The following NUP210 variants were observed in gnomAD, a reference collection of about 807,000 sequenced individuals.
The protein encoded by NUP210 is nuclear pore membrane glycoprotein 210.
In NUP210, 151 loss-of-function variants were observed where a neutral mutation model predicts 196.0. That is an observed-to-expected ratio of 0.77 (90% CI 0.67 to 0.88). The LOEUF is 0.88. NUP210 is among the 40% of genes least tolerant of loss of function. The probability of loss-of-function intolerance (pLI) is 0.00; values close to 1 mark genes in which losing one functional copy is unlikely to be tolerated. For missense variants in NUP210, 2,314 were observed against 2,493.7 expected (o/e 0.93, Z 1.53); for synonymous variants, 1,070 against 1,052.7 (o/e 1.02, Z -0.32).
intron 20 of NUP210, chr3:13,345,174 C>G: frequency 5.1e-6 from 5 of 985,452 alleles, no homozygotes; most frequent in Non-Finnish European, 6.0e-6. Context: ...ACCTGGTGCT[C>G]CAGCCTGCTC....
intron 3 of NUP210, among the ~76,000 whole-genome samples, chr3:13,395,869 A>T (rs1016186119): frequency 3.9e-5 from 6 of 152,190 alleles, no homozygotes; most frequent in African/African-American, 1.4e-4. Flanking sequence ...CTATAGCAAC[A>T]CTGGTGCCTG....
intron 14 of NUP210, among the ~76,000 whole-genome samples, chr3:13,365,064 A>G (rs1258622523): frequency 6.6e-6 from 1 of 152,160 alleles, no homozygotes; most frequent in African/African-American, 2.4e-5. Flanking sequence ...GGAACTCCCC[A>G]TCAACAAACC....
Position 13,321,670 on chromosome 3 carries a change from T to G in NUP210, c.5081A>C (p.Asp1694Ala). The G allele has an allele frequency of 6.2e-7, 1 of 1,614,068 alleles. No individual in the cohort carries two copies. The highest frequency in any genetic ancestry group is 8.5e-7 in the Non-Finnish European group (1 of 1,180,022). The part of the protein sequence containing the change: ...EVPFSPGLFA[D>A]QAEILLSNHY... Reference sequence around the variant, plus strand: ...GTTGCTCAAAAGGATTTCAGCCTGGTCGGCGAAGAGACCTGGGCTGAAGGG... The same window carrying G: ...GTTGCTCAAAAGGATTTCAGCCTGGGCGGCGAAGAGACCTGGGCTGAAGGG... Residue 1694 changes from aspartate to alanine, a missense_variant, in exon 36 of 40, where the codon GAC becomes GCC. Transcript: ENST00000254508.
chr3:13,392,786 G>A (rs909868267), intron 3 of NUP210, among the ~76,000 whole-genome samples: 1 of 152,232 alleles, frequency 6.6e-6, no homozygotes, highest in Non-Finnish European at 1.5e-5. Flanking sequence ...ACTGTCCGGG[G>A]GCAGAGCCAG....
At position 13,379,645 on chromosome 3, in the gene NUP210, C is replaced by A. The variant is rs1699037346; in HGVS notation, c.894G>T (p.Arg298=). 1.9e-6 allele frequency: 3 copies of A among 1,614,086 alleles called. No individual in the cohort carries two copies. The African/African-American group carries it at 4.0e-5, about 22-fold the overall frequency. The change falls in exon 7 of 40, where the codon CGG becomes CGT. Residue 298 remains arginine, a synonymous_variant. Transcript: ENST00000254508. This position sits in a 1 kb window ranked among gnomAD's most constrained non-coding sequence, Gnocchi z 4.2. The part of the protein sequence containing the change: ...SIPGPEGDPA[R]PVAVLAQDTS... ...TGTCCTGGGCCAAGACAGCCACCGGCCGGGCTGGGTCTCCTTCGGGGCCCG... is the reference window on the plus strand; with the variant it reads ...TGTCCTGGGCCAAGACAGCCACCGGACGGGCTGGGTCTCCTTCGGGGCCCG...
In NUP210 at chr3:13,419,870, G is replaced by C. The variant is rs1454240210; in HGVS notation, c.167+190C>G. Among the ~76,000 whole-genome samples the C allele has an allele frequency of 4.0e-5, 6 of 151,800 alleles. No homozygotes were observed. In the East Asian group the frequency reaches 1.2e-3, roughly 30 times the overall value. ...CGCGCCTCAGCGGCGCGGAGGCCCG[G>C]ACGGCGCCATGACATGAGCAGTGGT... On this transcript the variant is annotated intron_variant, in intron 1 of 39. Coordinates refer to ENST00000254508, the MANE Select transcript of NUP210 (RefSeq NM_024923.4).
rs981327686 is a variant in NUP210, at chr3:13,358,414, C to T, written c.2155-19G>A. 1 of 1,592,014 alleles carries T rather than the reference C, an allele frequency of 6.3e-7. No individual in the cohort carries two copies. The highest frequency in any genetic ancestry group is 8.6e-7 in the Non-Finnish European group (1 of 1,165,888). The stretch of plus-strand genomic sequence containing the variant: ...CGATGACCTGGTAGGGCACAGTGAA[C>T]AGTCAGACCCCCAAGCTTGAGTTCT... On this transcript the variant is annotated intron_variant, in intron 15 of 39. Coordinates refer to ENST00000254508, the MANE Select transcript of NUP210 (RefSeq NM_024923.4).
Position 13,388,429 on chromosome 3 carries a change from C to A in NUP210, c.558G>T (p.Thr186=). ...CTGAGATGTAAGAAGGAGGGATGTA[C>A]GTAGACTCCAAGAAAGTGAGGATTC... ...ALRILTFLES[T]YIPPSYISEM... The change falls in exon 5 of 40, where the codon ACG becomes ACT. Residue 186 remains threonine, a synonymous_variant. Transcript: ENST00000254508. The A allele has an allele frequency of 1.2e-6, 2 of 1,608,416 alleles. No individual in the cohort carries two copies. The highest frequency in any genetic ancestry group is 1.7e-6 in the Non-Finnish European group (2 of 1,178,100).
intron 1 of NUP210, among the ~76,000 whole-genome samples, chr3:13,415,176 C>A (rs189901808): frequency 6.6e-6 from 1 of 152,150 alleles, no homozygotes; most frequent in Admixed American, 6.5e-5. Flanking sequence ...TGCAGTGTGC[C>A]GAGATCGTGC....
At chr3:13,409,427 G>C (rs1445734670) in intron 1 of NUP210, among the ~76,000 whole-genome samples, 3 of 152,198 alleles carry the variant, frequency 2.0e-5, no homozygotes, top group Non-Finnish European at 4.4e-5. Context: ...GGAGTGAGCA[G>C]TCTAAAACCT....
chr3:13,327,200 C>T lies in NUP210; in HGVS notation c.4507+17G>A. ...GTCCGTGACTCCACAGGTTCCCTTG[C>T]TCAGGATCTATCTTACCTTCCAGGC... On this transcript the variant is annotated intron_variant, in intron 32 of 39. Coordinates refer to ENST00000254508, the MANE Select transcript of NUP210 (RefSeq NM_024923.4). 1 of 1,603,280 alleles carries T rather than the reference C, an allele frequency of 6.2e-7. No homozygotes were observed. Among genetic ancestry groups the T allele is most frequent in the South Asian group, 1.1e-5 (1 of 90,588 alleles).
intron 3 of NUP210, 82 bp from the exon 4 acceptor site, chr3:13,391,389 C>T: frequency 2.3e-6 from 2 of 864,488 alleles, no homozygotes; most frequent in South Asian, 1.4e-5. Context: ...GCTTCTGCCC[C>T]ATGCAGGAAC....
chr3:13,365,604 A>G (rs1239724401), intron 14 of NUP210, among the ~76,000 whole-genome samples: 1 of 152,152 alleles, frequency 6.6e-6, no homozygotes, highest in African/African-American at 2.4e-5. Context: ...AGTGGAGCAG[A>G]AGCACTCCCC....
intron 1 of NUP210, among the ~76,000 whole-genome samples, chr3:13,418,499 A>C (rs1029569078): frequency 3.9e-5 from 6 of 152,102 alleles, no homozygotes; most frequent in African/African-American, 1.4e-4. Flanking sequence ...CATTTTGGGA[A>C]GCTGAGGCAG....
chr3:13,333,336 G>A (rs937366001), intron 28 of NUP210, among the ~76,000 whole-genome samples: 2 of 152,218 alleles, frequency 1.3e-5, no homozygotes, highest in African/African-American at 4.8e-5. Context: ...CCTGGCTCAG[G>A]GGCAACCACT....
At chr3:13,395,420 C>A (rs572660965) in intron 3 of NUP210, among the ~76,000 whole-genome samples, 1 of 152,192 alleles carries the variant, frequency 6.6e-6, no homozygotes, top group African/African-American at 2.4e-5. Flanking sequence ...TGGGCTCAAG[C>A]GATTCTCTTG....
At chr3:13,372,555 G>A (rs551781575) in intron 12 of NUP210, among the ~76,000 whole-genome samples, 5 of 152,312 alleles carry the variant, frequency 3.3e-5, no homozygotes, top group African/African-American at 1.2e-4. Context: ...CTTGAGCCAG[G>A]GCAGGCGTGT....
chr3:13,387,332 G>A (rs138387086), intron 5 of NUP210, among the ~76,000 whole-genome samples: 4 of 152,350 alleles, frequency 2.6e-5, no homozygotes, highest in South Asian at 2.1e-4. Flanking sequence ...TTTCCAGCAC[G>A]CAGGCAGGGA....
At position 13,321,821 on chromosome 3, in the gene NUP210, A is replaced by C. The variant is rs529205773; in HGVS notation, c.4930T>G (p.Ser1644Ala). Residue 1644 changes from serine (S) to alanine (A), a missense_variant, in exon 36 of 40, where the codon TCA (serine) becomes GCA (alanine). Ser to Ala is a moderately conservative substitution (Grantham distance 99). Coordinates refer to ENST00000254508, the MANE Select transcript of NUP210 (RefSeq NM_024923.4). Reference sequence around the variant, plus strand: ...TCCGTCAGCCTGTGCATTGTGATTGAGCAGAAGTACTGGCCTGCGAAGACA... The same window carrying C: ...TCCGTCAGCCTGTGCATTGTGATTGCGCAGAAGTACTGGCCTGCGAAGACA... ...FDTALGQYFC[S>A]ITMHRLTDKQ... 10 of 1,606,262 alleles carry C rather than the reference A, an allele frequency of 6.2e-6. No homozygotes were observed. In the East Asian group the frequency reaches 2.2e-4, roughly 36 times the overall value.
Sources: gnomAD v4.1 joint callset for allele counts (sites outside exome capture counted in the v4.1 genomes callset) on GRCh38, gnomAD v4.1.1 for gene constraint, Gnocchi (gnomAD v3.1) non-coding constraint, MANE v1.5 for transcripts, NCBI Gene and HGNC (gene_info 2026-07-23, HGNC 2026-07-21) for gene names.